Variants in ESRRG observed in about 807,000 individuals in gnomAD.
ESRRG encodes the protein estrogen-related receptor gamma.
Under a neutral mutation model 44.0 loss-of-function variants are expected in ESRRG, and 13 were observed. The observed-to-expected ratio is 0.30, with a 90% CI of 0.19 to 0.47. The LOEUF (loss-of-function observed/expected upper bound fraction) is 0.47. Ranked by LOEUF, ESRRG falls within the 20% of genes least tolerant of loss-of-function variation. The pLI, the probability that ESRRG is intolerant of heterozygous loss-of-function variation, is 1.00. For missense variants in ESRRG, 395 were observed against 580.6 expected, an observed-to-expected ratio of 0.68 and a Z score of 3.29; for synonymous variants, 215 against 214.6, an observed-to-expected ratio of 1.00 and a Z score of -0.02.
intron 1 of ESRRG, among the ~76,000 whole-genome samples, chr1:216,715,945 T>A (rs2084778052): frequency 6.6e-6 from 1 of 152,082 alleles, no homozygotes; most frequent in Non-Finnish European, 1.5e-5. Context: ...AAGAATTTAG[T>A]GTGCTTCTGC....
chr1:216,899,732 G>T (rs896308609), intron 2 of ESRRG, among the ~76,000 whole-genome samples: 8 of 152,124 alleles, frequency 5.3e-5, no homozygotes, highest in Non-Finnish European at 7.3e-5. Flanking sequence ...GAGATACTGG[G>T]ATGATGCTAA....
intron 3 of ESRRG, among the ~76,000 whole-genome samples, chr1:216,623,367 C>T (rs747487914): frequency 6.6e-6 from 1 of 152,120 alleles, no homozygotes; most frequent in Non-Finnish European, 1.5e-5. Flanking sequence ...GAAGATACTG[C>T]TTGCAGCATT....
intron 1 of ESRRG, among the ~76,000 whole-genome samples, chr1:216,718,188 T>C (rs2085320223): frequency 6.6e-6 from 1 of 151,890 alleles, no homozygotes; most frequent in African/African-American, 2.4e-5. Context: ...GTTAAAATCA[T>C]GCCTGGCAAA....
chr1:216,668,259 C>A (rs2074400847), intron 2 of ESRRG, among the ~76,000 whole-genome samples: 2 of 140,362 alleles, frequency 1.4e-5, no homozygotes, highest in Admixed American at 1.5e-4. Flanking sequence ...TTTGCCTAAT[C>A]TGACATGAGC....
chr1:216,967,176 C>T (rs558506213), intron 1 of ESRRG, among the ~76,000 whole-genome samples: 23 of 152,154 alleles, frequency 1.5e-4, no homozygotes, highest in Non-Finnish European at 3.1e-4. Flanking sequence ...ATCGCCCCCC[C>T]TCCCCATTGA....
At chr1:217,090,913 C>T (rs191968867), upstream of ESRRG, among the ~76,000 whole-genome samples, 1 of 152,278 alleles carries the variant, frequency 6.6e-6, no homozygotes, top group Admixed American at 6.5e-5. Context: ...CAATCCTTAA[C>T]GTTTACTTCT....
rs943678504 is a variant in ESRRG at position 216,875,506 on chromosome 1, A to T, written c.-14+64076T>A. Reference sequence around the variant, plus strand: ...ACTTCATATGAATAGAAACCTACAGAACGCATGTTATATGTTTAGCTTCTT... The same window carrying T: ...ACTTCATATGAATAGAAACCTACAGTACGCATGTTATATGTTTAGCTTCTT... On this transcript the variant is annotated intron_variant, in intron 2 of 7. Transcript: ENST00000359162. Among the ~76,000 whole-genome samples the T allele has an allele frequency of 5.9e-5, 9 of 152,122 alleles. No individual in the cohort carries two copies. The South Asian group carries it at 1.9e-3, about 32-fold the overall frequency.
intron 1 of ESRRG, among the ~76,000 whole-genome samples, chr1:217,136,691 T>C (rs1191327170): frequency 6.6e-6 from 1 of 152,190 alleles, no homozygotes; most frequent in Non-Finnish European, 1.5e-5. Context: ...CCCCTTTCCT[T>C]TTGGCCAGGC....
intron 2 of ESRRG, among the ~76,000 whole-genome samples, chr1:216,880,434 A>G (rs2096428730): frequency 6.6e-6 from 1 of 150,900 alleles, no homozygotes; most frequent in Non-Finnish European, 1.5e-5. Flanking sequence ...TCTAGCATTT[A>G]TCTTACAGAT....
At chr1:216,705,447 G>A (rs951381955) in intron 1 of ESRRG, among the ~76,000 whole-genome samples, 1 of 152,018 alleles carries the variant, frequency 6.6e-6, no homozygotes, top group Non-Finnish European at 1.5e-5. Flanking sequence ...ACACACAGTT[G>A]TTTTATTTTG....
chr1:216,848,738 C>T (rs1016623766), intron 2 of ESRRG, among the ~76,000 whole-genome samples: 7 of 152,076 alleles, frequency 4.6e-5, no homozygotes, highest in African/African-American at 1.4e-4. Context: ...GACTGCACTT[C>T]GGAAAATATT....
chr1:217,081,615 G>A (rs1558230633), intron 1 of ESRRG, among the ~76,000 whole-genome samples: 1 of 151,850 alleles, frequency 6.6e-6, no homozygotes, highest in Admixed American at 6.6e-5. Context: ...TGTTTGGTTG[G>A]TTGGCATTTT....
chr1:217,137,592 C>T (rs371203779), intron 1 of ESRRG: 3 of 152,304 alleles, frequency 2.0e-5, no homozygotes, highest in African/African-American at 7.2e-5. Flanking sequence ...CTTAAGAGTT[C>T]TCAAAGACGG....
At chr1:216,809,661 G>A (rs2094908472) in intron 2 of ESRRG, among the ~76,000 whole-genome samples, 1 of 152,148 alleles carries the variant, frequency 6.6e-6, no homozygotes, top group Admixed American at 6.6e-5. Context: ...CCTTGAACAT[G>A]TGCAGAAAAC....
At chr1:217,102,431 T>C (rs1332841841) in intron 1 of ESRRG, among the ~76,000 whole-genome samples, 2 of 152,224 alleles carry the variant, frequency 1.3e-5, no homozygotes, top group African/African-American at 4.8e-5. Context: ...ATGATGTACA[T>C]GCTGTTAAAA....
Position 216,568,141 on chromosome 1 carries a change from T to C in ESRRG, c.590-43A>G, listed in dbSNP as rs770558821. The C allele has an allele frequency of 2.2e-6, 3 of 1,364,548 alleles. 1 individual carries two copies. Among genetic ancestry groups the C allele is most frequent in the South Asian group, 1.2e-5 (1 of 86,138 alleles). 84.5% of individuals were successfully genotyped at this position (1,364,548 alleles called of 1,614,324 possible). A position where few individuals can be genotyped will look rare whatever the true frequency, so the allele number is the denominator to read the frequency against. The stretch of plus-strand genomic sequence containing the variant: ...CACCGGCTTACTATTAAGGTAGCTA[T>C]GTTTGAGACCAATCAAATACCTAGA... On this transcript the variant is annotated intron_variant, in intron 3 of 6. Coordinates refer to ENST00000408911, the MANE Select transcript of ESRRG (RefSeq NM_001438.4).
intron 2 of ESRRG, among the ~76,000 whole-genome samples, chr1:216,765,884 G>A (rs1483461693): frequency 6.6e-6 from 1 of 152,116 alleles, no homozygotes; most frequent in Non-Finnish European, 1.5e-5. Flanking sequence ...GTTGAAGACA[G>A]CTTTATTGTT....
chr1:216,568,285 C>T (rs1573160670), intron 3 of ESRRG, among the ~76,000 whole-genome samples, 187 bp from the exon 4 acceptor site: 1 of 152,340 alleles, frequency 6.6e-6, no homozygotes, highest in East Asian at 1.9e-4. Flanking sequence ...AAAACCAAAT[C>T]TGTCAGCAGA....
At chr1:216,520,749 G>A (rs566009177) in intron 5 of ESRRG, among the ~76,000 whole-genome samples, 4 of 152,108 alleles carry the variant, frequency 2.6e-5, no homozygotes, top group Non-Finnish European at 2.9e-5. Flanking sequence ...AGAAAGGAAG[G>A]ACCATTTTTA....
Sources: gnomAD v4.1 joint callset for allele counts (sites outside exome capture counted in the v4.1 genomes callset) on GRCh38, gnomAD v4.1.1 for gene constraint, MANE v1.5 for transcripts, NCBI Gene and HGNC (gene_info 2026-07-23, HGNC 2026-07-21) for gene names.